SOX6: variants seen among roughly 807,000 people sequenced by gnomAD.
The protein encoded by SOX6 is SRY-box transcription factor 6.
A neutral mutation model predicts 97.8 loss-of-function variants in SOX6; 11 were observed. The observed-to-expected ratio is 0.11, with a 90% CI of 0.07 to 0.19. The LOEUF (loss-of-function observed/expected upper bound fraction) is 0.19, where lower values mean the gene tolerates loss of function less well. Among genes scored for constraint, SOX6 ranks in the 10% least tolerant of loss-of-function variants. The probability of loss-of-function intolerance (pLI) is 1.00; values close to 1 mark genes in which losing one functional copy is unlikely to be tolerated. For missense variants in SOX6, 810 were observed against 1,039.5 expected (o/e 0.78, Z 3.04); for synonymous variants, 360 against 371.4 (o/e 0.97, Z 0.35).
chr11:16,435,681 ACAG>A (rs931415215), intron 1 of SOX6, among the ~76,000 whole-genome samples: 8 of 152,074 alleles, frequency 5.3e-5, no homozygotes. Context: ...GTACTTTGTT[ACAG>A]CAGCAGCAGC....
chr11:16,465,421 A>T (rs1483986820), intron 1 of SOX6, among the ~76,000 whole-genome samples: 1 of 152,204 alleles, frequency 6.6e-6, no homozygotes, highest in African/African-American at 2.4e-5. Context: ...AAAACAATCC[A>T]TTCTGATTAA....
At chr11:16,257,220 C>A (rs1853721104) in intron 3 of SOX6, among the ~76,000 whole-genome samples, 1 of 151,716 alleles carries the variant, frequency 6.6e-6, no homozygotes, top group African/African-American at 2.4e-5. Flanking sequence ...TCTAAAGTTT[C>A]TATGAAGAGG....
At chr11:16,377,576 G>GA (rs1012845206) in intron 1 of SOX6, among the ~76,000 whole-genome samples, 1 of 151,994 alleles carries the variant, frequency 6.6e-6, no homozygotes, top group Non-Finnish European at 1.5e-5. Flanking sequence ...ATTTAAGATG[G>GA]AAAAAAACAT....
rs1848786239 is a variant in SOX6 at position 16,096,029 on chromosome 11, A to G, written c.1068T>C (p.Gly356=). Residue 356 remains glycine (G), a synonymous_variant, in exon 9 of 16, where the codon GGT becomes GGC. Transcript: ENST00000683767. ...FGRNLDTFEH[G]GGHSYNHKQI... ...GTTTGTGGTTGTAAGAGTGGCCACC[A>G]CCATGTTCAAAGGTGTCCAAATTCC... 4 of 1,611,350 alleles carry G rather than the reference A, an allele frequency of 2.5e-6. No individual in the cohort carries two copies. In the African/African-American group the frequency reaches 4.0e-5, roughly 16 times the overall value.
intron 4 of SOX6, among the ~76,000 whole-genome samples, chr11:16,533,082 GC>G (rs1432394707): frequency 6.6e-6 from 1 of 151,788 alleles, no homozygotes; most frequent in African/African-American, 2.4e-5. Flanking sequence ...TAATATTGAT[GC>G]CCTTTATCAT....
chr11:16,650,154 G>T (rs1847625015), intron 3 of SOX6, among the ~76,000 whole-genome samples: 1 of 152,028 alleles, frequency 6.6e-6, no homozygotes, highest in South Asian at 2.1e-4. Context: ...CTAAACCTAA[G>T]AAATGAGACA....
intron 2 of SOX6, among the ~76,000 whole-genome samples, chr11:16,321,904 C>A (rs529093216): frequency 6.6e-6 from 1 of 152,198 alleles, no homozygotes; most frequent in Admixed American, 6.5e-5. Context: ...CAAATATTAA[C>A]CTTTCATAAG....
intron 9 of SOX6, among the ~76,000 whole-genome samples, chr11:16,092,507 A>G (rs1320265392): frequency 6.6e-6 from 1 of 151,968 alleles, no homozygotes; most frequent in Non-Finnish European, 1.5e-5. Context: ...AGGCTCATAT[A>G]TTTCACAATC....
intron 7 of SOX6, among the ~76,000 whole-genome samples, chr11:16,110,149 C>T (rs1020510324): frequency 3.3e-5 from 5 of 152,056 alleles, no homozygotes; most frequent in Non-Finnish European, 7.4e-5. Context: ...AAGATGTCTA[C>T]GTCTAACAGA....
intron 1 of SOX6, among the ~76,000 whole-genome samples, chr11:16,391,812 C>T (rs895684714): frequency 6.6e-6 from 1 of 152,010 alleles, no homozygotes; most frequent in Non-Finnish European, 1.5e-5. Context: ...CCACTGAGTG[C>T]TAGGTGCCTT....
chr11:16,559,168 G>A (rs1477183222), intron 4 of SOX6, among the ~76,000 whole-genome samples: 1 of 151,992 alleles, frequency 6.6e-6, no homozygotes, highest in Non-Finnish European at 1.5e-5. Flanking sequence ...CTGACTTAAT[G>A]TATATTTGCT....
At chr11:16,315,566 G>C (rs559927501) in intron 3 of SOX6, 10 of 152,290 alleles carry the variant, frequency 6.6e-5, no homozygotes, top group Non-Finnish European at 1.3e-4. Context: ...AATGACAATA[G>C]AGATTGCTGC....
intron 1 of SOX6, among the ~76,000 whole-genome samples, chr11:16,476,027 T>C (rs1431413188): frequency 6.6e-6 from 1 of 152,176 alleles, no homozygotes; most frequent in African/African-American, 2.4e-5. Context: ...AACTCATTCC[T>C]ACAATTGAGC....
At chr11:16,171,731 G>A (rs1345036919) in intron 6 of SOX6, among the ~76,000 whole-genome samples, 1 of 151,644 alleles carries the variant, frequency 6.6e-6, no homozygotes, top group Non-Finnish European at 1.5e-5. Flanking sequence ...ACATTATATG[G>A]TTCTGTTTTG....
At chr11:16,557,305 A>T (rs1425839061) in intron 4 of SOX6, among the ~76,000 whole-genome samples, 1 of 151,658 alleles carries the variant, frequency 6.6e-6, no homozygotes, top group Admixed American at 6.6e-5. Context: ...TGAAATGCTT[A>T]CTCTTCTCCA....
intron 4 of SOX6, among the ~76,000 whole-genome samples, chr11:16,489,042 T>C (rs1459603322): frequency 6.6e-6 from 1 of 152,122 alleles, no homozygotes; most frequent in Non-Finnish European, 1.5e-5. Context: ...AAAAATTATA[T>C]TCACACACTT....
chr11:16,560,164 T>C (rs563701468), intron 4 of SOX6, among the ~76,000 whole-genome samples: 2 of 152,160 alleles, frequency 1.3e-5, no homozygotes, highest in South Asian at 4.1e-4. Context: ...CATTCCTAAG[T>C]GTTATGGTGG....
chr11:16,510,260 G>C (rs1210111896), intron 4 of SOX6, among the ~76,000 whole-genome samples: 1 of 152,010 alleles, frequency 6.6e-6, no homozygotes, highest in Admixed American at 6.6e-5. Context: ...CATACAGGTA[G>C]TTTTACTCAT....
intron 6 of SOX6, among the ~76,000 whole-genome samples, chr11:16,115,815 T>G (rs773341345): frequency 1.3e-5 from 2 of 152,156 alleles, no homozygotes; most frequent in African/African-American, 2.4e-5. Flanking sequence ...CAGCTGAAAA[T>G]AATTTTGTGT....
Sources: allele counts gnomAD v4.1 joint callset (sites outside exome capture counted in the v4.1 genomes callset), GRCh38; gene constraint gnomAD v4.1.1; transcripts MANE v1.5; gene names NCBI Gene and HGNC (gene_info 2026-07-23, HGNC 2026-07-21).